MCTP1: variants seen among roughly 807,000 people sequenced by gnomAD.
MCTP1 encodes multiple C2 and transmembrane domain containing 1.
A neutral mutation model predicts 120.6 loss-of-function variants in MCTP1; 69 were observed. The observed-to-expected ratio is 0.57, with a 90% CI of 0.47 to 0.70. The LOEUF (loss-of-function observed/expected upper bound fraction) is 0.70, where lower values mean the gene tolerates loss of function less well. MCTP1 is among the 30% of genes least tolerant of loss of function. MCTP1 has a pLI of 0.00. For missense variants in MCTP1, 1,203 were observed against 1,248.8 expected (o/e 0.96, Z 0.55); for synonymous variants, 529 against 493.1 (o/e 1.07, Z -0.96).
chr5:95,247,686 T>C (rs1449054674), intron 1 of MCTP1, among the ~76,000 whole-genome samples: 1 of 152,218 alleles, frequency 6.6e-6, no homozygotes, highest in Non-Finnish European at 1.5e-5. Context: ...TCAGTTTCCA[T>C]GTAGTTGTGC....
chr5:94,993,495 C>G (rs1272026518), intron 2 of MCTP1, among the ~76,000 whole-genome samples: 1 of 152,140 alleles, frequency 6.6e-6, no homozygotes. Context: ...GTTGCAAAGA[C>G]CTAGGAACCT....
chr5:94,891,805 T>G (rs945258027), intron 11 of MCTP1, among the ~76,000 whole-genome samples: 1 of 152,100 alleles, frequency 6.6e-6, no homozygotes, highest in South Asian at 2.1e-4. Flanking sequence ...TTTAAAAACA[T>G]AACTTCATCA....
intron 2 of MCTP1, among the ~76,000 whole-genome samples, chr5:94,957,328 A>C (rs976848644): frequency 1.3e-5 from 2 of 152,220 alleles, no homozygotes; most frequent in Non-Finnish European, 2.9e-5. Context: ...AGATGTAAAG[A>C]CCATTGACAA....
At chr5:94,860,359 T>C (rs1795526378) in intron 17 of MCTP1, among the ~76,000 whole-genome samples, 1 of 151,710 alleles carries the variant, frequency 6.6e-6, no homozygotes. Flanking sequence ...AGAAGTTATC[T>C]TACTTAGTCC....
At chr5:94,874,703 C>G (rs368444987) in intron 12 of MCTP1, among the ~76,000 whole-genome samples, 1 of 152,082 alleles carries the variant, frequency 6.6e-6, no homozygotes. Context: ...TCACTTTCAA[C>G]TCACACACCC....
chr5:95,082,667 AAT>A (rs551552956), intron 1 of MCTP1, among the ~76,000 whole-genome samples: 114 of 152,316 alleles, frequency 7.5e-4, no homozygotes, highest in Admixed American at 1.6e-3. Flanking sequence ...TCATCATTTC[AAT>A]ATGTAATCAT....
chr5:94,904,531 A>G (rs1806312394), intron 10 of MCTP1, among the ~76,000 whole-genome samples: 1 of 152,150 alleles, frequency 6.6e-6, no homozygotes, highest in African/African-American at 2.4e-5. Context: ...AGTTATAGTA[A>G]GTGTCTTGGT....
intron 17 of MCTP1, among the ~76,000 whole-genome samples, chr5:94,861,594 T>C (rs1330276156): frequency 6.6e-6 from 1 of 151,866 alleles, no homozygotes; most frequent in Non-Finnish European, 1.5e-5. Flanking sequence ...TTATTTAAAC[T>C]TTTTCCTTTG....
intron 2 of MCTP1, among the ~76,000 whole-genome samples, chr5:95,012,953 A>G (rs934300479): frequency 6.6e-6 from 1 of 152,156 alleles, no homozygotes; most frequent in African/African-American, 2.4e-5. Context: ...TCAAAAGGAG[A>G]GACAGGCTGA....
intron 6 of MCTP1, chr5:94,929,743 C>T (rs1424582954): frequency 2.2e-6 from 2 of 926,582 alleles, no homozygotes; most frequent in African/African-American, 1.8e-5. Context: ...GTCAAACTTT[C>T]CCCCGATTTT....
In MCTP1 at chr5:94,822,598, T is replaced by G. The variant is rs139765899; in HGVS notation, c.2437-23466A>C. 3.2e-3 allele frequency among the ~76,000 whole-genome samples: 490 copies of G among 152,260 alleles called. 5 individuals carry two copies. The highest frequency in any genetic ancestry group is 0.011 in the African/African-American group (471 of 41,522). ...CCAGTAATGAGATTGCTGGGTCAGG[T>G]GGTATTTCTAGTTCTAGATCCTTGA... On this transcript the variant is annotated intron_variant, in intron 17 of 22. Transcript: ENST00000515393.
At chr5:95,256,546 G>A (rs1757912432) in intron 1 of MCTP1, among the ~76,000 whole-genome samples, 1 of 152,210 alleles carries the variant, frequency 6.6e-6, no homozygotes, top group Non-Finnish European at 1.5e-5. Flanking sequence ...CAGCCTAGGG[G>A]TAATAGTGAC....
intron 1 of MCTP1, among the ~76,000 whole-genome samples, chr5:95,191,455 A>C (rs1318005464): frequency 6.6e-6 from 1 of 151,998 alleles, no homozygotes; most frequent in Non-Finnish European, 1.5e-5. Flanking sequence ...CCACATGCGA[A>C]TCTGAAGAAA....
chr5:94,986,859 G>C (rs1830512331), intron 2 of MCTP1, among the ~76,000 whole-genome samples: 1 of 152,034 alleles, frequency 6.6e-6, no homozygotes, highest in African/African-American at 2.4e-5. Flanking sequence ...AACATGTCCA[G>C]TCCTCCCTTG....
At chr5:94,941,759 T>C (rs183631262) in intron 4 of MCTP1, among the ~76,000 whole-genome samples, 346 of 152,036 alleles carry the variant, frequency 2.3e-3, no homozygotes, top group African/African-American at 8.1e-3. Flanking sequence ...AAGCCCATTA[T>C]TAGGTGTAAG....
chr5:95,192,159 ATTAAC>A (rs1480549964), intron 1 of MCTP1, among the ~76,000 whole-genome samples: 6 of 152,100 alleles, frequency 3.9e-5, no homozygotes, highest in Non-Finnish European at 8.8e-5. Flanking sequence ...AGTTTTTCAC[ATTAAC>A]TTAAGCAAAG....
intron 1 of MCTP1, among the ~76,000 whole-genome samples, chr5:95,066,150 C>A (rs1750610691): frequency 6.6e-6 from 1 of 152,044 alleles, no homozygotes; most frequent in Non-Finnish European, 1.5e-5. Context: ...ACTCAAACAG[C>A]TTAGTAACAA....
chr5:94,737,243 G>C (rs1764488057), intron 19 of MCTP1, among the ~76,000 whole-genome samples: 1 of 147,758 alleles, frequency 6.8e-6, no homozygotes, highest in South Asian at 2.3e-4. Context: ...GGGAGGGAGG[G>C]AGGGAAACAG....
chr5:95,171,057 C>G (rs1747206723), intron 1 of MCTP1, among the ~76,000 whole-genome samples: 2 of 151,854 alleles, frequency 1.3e-5, no homozygotes, highest in African/African-American at 4.8e-5. Context: ...ACCAGTTGTT[C>G]CTTTCCATGT....
Sources: gnomAD v4.1 joint callset for allele counts (sites outside exome capture counted in the v4.1 genomes callset) on GRCh38, gnomAD v4.1.1 for gene constraint, MANE v1.5 for transcripts, NCBI Gene and HGNC (gene_info 2026-07-23, HGNC 2026-07-21) for gene names.